DCBLD2: variants seen among roughly 807,000 people sequenced by gnomAD.
DCBLD2 encodes the protein discoidin, CUB and LCCL domain containing 2.
In DCBLD2, 54 loss-of-function variants were observed where a neutral mutation model predicts 86.8. The observed-to-expected ratio is 0.62, with a 90% CI of 0.50 to 0.78. The LOEUF is 0.78. Among genes scored for constraint, DCBLD2 ranks in the 30% least tolerant of loss-of-function variants. The probability of loss-of-function intolerance (pLI) is 0.00; values close to 1 mark genes in which losing one functional copy is unlikely to be tolerated. For missense variants in DCBLD2, 908 were observed against 954.2 expected (o/e 0.95, Z 0.64); for synonymous variants, 354 against 341.3 (o/e 1.04, Z -0.41).
chr3:98,844,311 A>C (rs1253703271), intron 3 of DCBLD2, among the ~76,000 whole-genome samples: 2 of 150,990 alleles, frequency 1.3e-5, no homozygotes, highest in Non-Finnish European at 2.9e-5. Context: ...ACTGTTTTTA[A>C]ATCTACTTTT....
chr3:98,831,016 G>A (rs1388665255), intron 3 of DCBLD2, among the ~76,000 whole-genome samples: 2 of 151,174 alleles, frequency 1.3e-5, no homozygotes, highest in Admixed American at 6.6e-5. Flanking sequence ...ATGGGATTGT[G>A]TTCTTGATTA....
rs530389590 is a variant in DCBLD2, at chr3:98,865,886, T to A, written c.433+15654A>T. On this transcript the variant is annotated intron_variant, in intron 2 of 15. Transcript: ENST00000326840. Reference sequence around the variant, plus strand: ...CCCCCCACCCCATGACAGGCACCGGTGTGTGATGTTCCCCTTCCTGTGTCC... The same window carrying A: ...CCCCCCACCCCATGACAGGCACCGGAGTGTGATGTTCCCCTTCCTGTGTCC... 4.7e-4 allele frequency among the ~76,000 whole-genome samples: 53 copies of A among 113,472 alleles called. 1 individual carries two copies. The highest frequency in any genetic ancestry group is 1.7e-3 in the African/African-American group (49 of 29,640). 74.4% of individuals were successfully genotyped at this position (113,472 alleles called of 152,430 possible).
chr3:98,833,838 C>T (rs867935760), intron 3 of DCBLD2, among the ~76,000 whole-genome samples: 1 of 152,250 alleles, frequency 6.6e-6, no homozygotes, highest in Non-Finnish European at 1.5e-5. Flanking sequence ...CCAGTGGGAG[C>T]TCTGTCCCAG....
At chr3:98,866,323 C>T (rs1034202949) in intron 2 of DCBLD2, among the ~76,000 whole-genome samples, 14 of 152,334 alleles carry the variant, frequency 9.2e-5, no homozygotes, top group East Asian at 5.8e-4. Flanking sequence ...TACACTCCCA[C>T]CAACAGTGTA....
chr3:98,873,718 G>T (rs1353579949), intron 2 of DCBLD2, among the ~76,000 whole-genome samples: 1 of 149,742 alleles, frequency 6.7e-6, no homozygotes, highest in Non-Finnish European at 1.5e-5. Flanking sequence ...AGTTAACAAA[G>T]TAAAAAAAAA....
At chr3:98,812,307 T>C (rs764017248) in intron 10 of DCBLD2, 25 bp downstream of exon 10, 14 of 1,609,954 alleles carry the variant, frequency 8.7e-6, no homozygotes, top group Non-Finnish European at 1.2e-5. Context: ...AGTAAAAACA[T>C]ATCTTAAACG....
intron 1 of DCBLD2, chr3:98,890,320 G>GTGAT (rs1248434472): frequency 6.6e-6 from 1 of 152,048 alleles, no homozygotes; most frequent in Non-Finnish European, 1.5e-5. Context: ...AGAGACTGGA[G>GTGAT]TGATATATTA....
chr3:98,842,260 G>A (rs528522550), intron 3 of DCBLD2, among the ~76,000 whole-genome samples: 4 of 152,276 alleles, frequency 2.6e-5, no homozygotes, highest in South Asian at 4.2e-4. Flanking sequence ...CTTGTCAATA[G>A]CCTTGCATCG....
intron 2 of DCBLD2, among the ~76,000 whole-genome samples, chr3:98,851,269 G>GA (rs910574521): frequency 6.6e-6 from 1 of 152,004 alleles, no homozygotes; most frequent in Non-Finnish European, 1.5e-5. Context: ...AAATCAACGT[G>GA]AAAAAATCAC....
intron 2 of DCBLD2, among the ~76,000 whole-genome samples, chr3:98,854,468 G>A (rs935216099): frequency 2.6e-5 from 4 of 152,094 alleles, no homozygotes; most frequent in Non-Finnish European, 5.9e-5. Flanking sequence ...ACTTTTAGCT[G>A]CTTCAGCAAA....
chr3:98,799,367 C>T lies in DCBLD2; in HGVS notation c.*5G>A. The T allele has an allele frequency of 1.3e-6, 2 of 1,593,596 alleles. No individual in the cohort carries two copies. Among genetic ancestry groups the T allele is most frequent in the Middle Eastern group, 1.7e-4 (1 of 5,966 alleles). On this transcript the variant is annotated 3_prime_UTR_variant, in exon 16 of 16. Coordinates refer to ENST00000326840, the MANE Select transcript of DCBLD2 (RefSeq NM_080927.4). ...AACGATGCTTTGTAAAAAGCAGCAT[C>T]ATCTTCAAAGGATTTCTTTAAAAAC...
At chr3:98,871,231 A>G in intron 2 of DCBLD2, among the ~76,000 whole-genome samples, 1 of 152,106 alleles carries the variant, frequency 6.6e-6, no homozygotes, top group East Asian at 1.9e-4. Flanking sequence ...TCATCAGCAA[A>G]CAGAGATAGC....
intron 2 of DCBLD2, among the ~76,000 whole-genome samples, chr3:98,870,778 AAAGAAAGAAAG>A (rs1943261437): frequency 6.6e-6 from 1 of 150,552 alleles, no homozygotes; most frequent in Admixed American, 6.6e-5. Flanking sequence ...AGAAAGAAAG[AAAGAAAGAAAG>A]AAAGAAAGAA....
rs747277698 is a variant in DCBLD2, at chr3:98,812,481, A to G, written c.1214T>C (p.Ile405Thr). Residue 405 changes from isoleucine to threonine, a missense_variant and splice_region_variant, in exon 10 of 16, where the codon ATA (isoleucine) becomes ACA (threonine). Ile to Thr is a moderately conservative substitution (Grantham distance 89). This residue lies in a region of DCBLD2 where 606 missense variants were observed against 678.5 expected (regional missense o/e 0.89). Coordinates refer to ENST00000326840, the MANE Select transcript of DCBLD2 (RefSeq NM_080927.4). Reference sequence around the variant, plus strand: ...GTGATAATCTTTGTTTCCTTGAAATATCTTTAAAAAAACAACAAAAAATTG... The same window carrying G: ...GTGATAATCTTTGTTTCCTTGAAATGTCTTTAAAAAAACAACAAAAAATTG... ...YREPGVEQDK[I>T]FQGNKDYHQD... 2 of 1,611,306 alleles carry G rather than the reference A, an allele frequency of 1.2e-6. No individual in the cohort carries two copies. The highest frequency in any genetic ancestry group is 2.2e-5 in the South Asian group (2 of 90,864).
chr3:98,824,016 A>G (rs1942170523), intron 4 of DCBLD2, among the ~76,000 whole-genome samples: 1 of 152,186 alleles, frequency 6.6e-6, no homozygotes, highest in Admixed American at 6.5e-5. Context: ...TGAGCACAGC[A>G]TGAGGCAGGA....
At chr3:98,837,014 A>C (rs1313233941) in intron 3 of DCBLD2, among the ~76,000 whole-genome samples, 11 of 41,134 alleles carry the variant, frequency 2.7e-4, no homozygotes, top group Admixed American at 4.7e-4. Flanking sequence ...GGCGCCCCTC[A>C]CCTCCCGGAC....
chr3:98,890,229 C>T (rs533336004), intron 1 of DCBLD2, among the ~76,000 whole-genome samples: 2 of 151,954 alleles, frequency 1.3e-5, no homozygotes, highest in South Asian at 2.1e-4. Context: ...TAGGGTGGGC[C>T]CTAATCCAAC....
At chr3:98,804,420 A>G (rs1941791250) in intron 13 of DCBLD2, among the ~76,000 whole-genome samples, 2 of 151,812 alleles carry the variant, frequency 1.3e-5, no homozygotes, top group South Asian at 2.1e-4. Context: ...TATTGCATCT[A>G]TTTGATTCTT....
intron 14 of DCBLD2, chr3:98,801,353 A>G: frequency 2.2e-6 from 1 of 446,342 alleles, no homozygotes. Flanking sequence ...GACAAACTAC[A>G]CAAGTTTTCC....
Sources: gnomAD v4.1 joint callset for allele counts (sites outside exome capture counted in the v4.1 genomes callset) on GRCh38, gnomAD v4.1.1 for gene constraint, gnomAD v4.1.1 regional missense constraint, MANE v1.5 for transcripts, NCBI Gene and HGNC (gene_info 2026-07-23, HGNC 2026-07-21) for gene names.